AGAP1: variants seen among roughly 807,000 people sequenced by gnomAD.
The protein encoded by AGAP1 is ArfGAP with GTPase domain, ankyrin repeat and PH domain 1.
AGAP1 carries 29 observed loss-of-function variants against 105.3 expected under a neutral mutation model. The ratio of observed to expected loss-of-function variants is 0.28; its 90% CI spans 0.21 to 0.38. The LOEUF is 0.38. AGAP1 is among the 10% of genes least tolerant of loss of function. The pLI is 1.00. For missense variants in AGAP1, 998 were observed against 1,165.1 expected (o/e 0.86, Z 2.09); for synonymous variants, 509 against 485.9 (o/e 1.05, Z -0.63).
At position 236,009,289 on chromosome 2, in the gene AGAP1, T is replaced by G. The variant is rs572586564; in HGVS notation, c.1646-27272T>G. ...AAATCCCCAATCTCTAACCTCACAA[T>G]GAAATCGCCACGGACAAAAGATCAC... On this transcript the variant is annotated intron_variant, in intron 13 of 17. Coordinates refer to ENST00000304032, the MANE Select transcript of AGAP1 (RefSeq NM_001037131.3). The surrounding 1 kb of genome is among the most constrained non-coding windows in gnomAD (Gnocchi z 4.2). 6.6e-6 allele frequency among the ~76,000 whole-genome samples: 1 copy of G among 152,228 alleles called. No individual in the cohort carries two copies. The highest frequency in any genetic ancestry group is 6.5e-5 in the Admixed American group (1 of 15,292).
At chr2:235,512,427 A>G (rs925967251) in intron 1 of AGAP1, among the ~76,000 whole-genome samples, 2 of 152,046 alleles carry the variant, frequency 1.3e-5, no homozygotes, top group Non-Finnish European at 2.9e-5. Context: ...GGAGACCCCC[A>G]TCTCTACGAA....
In AGAP1 at chr2:235,794,620, C is replaced by T. The variant is rs142904239; in HGVS notation, c.674-3139C>T. Among the ~76,000 whole-genome samples, 126 of 152,238 alleles carry T rather than the reference C, an allele frequency of 8.3e-4. 2 individuals are homozygous for T. The East Asian group carries it at 0.02, about 24-fold the overall frequency. Reference sequence around the variant, plus strand: ...CCAAGTAGTTGGGATTACAGGCATGCGCCACCACATCCGGCTAATTTTTGT... The same window carrying T: ...CCAAGTAGTTGGGATTACAGGCATGTGCCACCACATCCGGCTAATTTTTGT... On this transcript the variant is annotated intron_variant, in intron 6 of 17. Coordinates refer to ENST00000304032, the MANE Select transcript of AGAP1 (RefSeq NM_001037131.3).
intron 13 of AGAP1, among the ~76,000 whole-genome samples, chr2:236,028,116 G>A (rs1316854041): frequency 6.6e-6 from 1 of 152,178 alleles, no homozygotes; most frequent in African/African-American, 2.4e-5. Flanking sequence ...TCCACGGTCA[G>A]CAGGGTCTGT....
chr2:235,744,321 T>C lies in AGAP1; in HGVS notation c.397-377T>C, dbSNP rs553125291. Reference sequence around the variant, plus strand: ...AGAGTACAGTGGAAAGCCTTAGGGCTTGAGGGGCTCTGGCAGGAGGTGGGT... The same window carrying C: ...AGAGTACAGTGGAAAGCCTTAGGGCCTGAGGGGCTCTGGCAGGAGGTGGGT... On this transcript the variant is annotated intron_variant, in intron 4 of 17. Transcript: ENST00000304032. The surrounding 1 kb of genome is among the most constrained non-coding windows in gnomAD (Gnocchi z 5.2). Among the ~76,000 whole-genome samples the C allele has an allele frequency of 5.5e-4, 83 of 152,280 alleles. No individual in the cohort carries two copies. Among genetic ancestry groups the C allele is most frequent in the Non-Finnish European group, 9.4e-4 (64 of 68,006 alleles).
chr2:235,594,502 C>T (rs1945453849), intron 1 of AGAP1, among the ~76,000 whole-genome samples: 1 of 151,808 alleles, frequency 6.6e-6, no homozygotes, highest in Admixed American at 6.6e-5. Context: ...CTCTGTGGGC[C>T]AGGTACTGTG....
rs764049327 is a variant in AGAP1 at position 235,621,548 on chromosome 2, C to T, written c.164-87631C>T. ...CAAGGGCCCTGTCACGTCTCTGAGCCGGCTTCTCTGGGCACTGGCTGGGCT... is the reference window on the plus strand; with the variant it reads ...CAAGGGCCCTGTCACGTCTCTGAGCTGGCTTCTCTGGGCACTGGCTGGGCT... On this transcript the variant is annotated intron_variant, in intron 1 of 17. Coordinates refer to ENST00000304032, the MANE Select transcript of AGAP1 (RefSeq NM_001037131.3). The surrounding 1 kb of genome is among the most constrained non-coding windows in gnomAD (Gnocchi z 4.1). Among the ~76,000 whole-genome samples the T allele has an allele frequency of 7.9e-5, 12 of 152,186 alleles. No homozygotes were observed. Among genetic ancestry groups the T allele is most frequent in the Non-Finnish European group, 8.8e-5 (6 of 68,038 alleles).
chr2:235,746,673 G>A lies in AGAP1; in HGVS notation c.538+1834G>A, dbSNP rs74559648. ...TTCTGCTTAAAGCTGCCTTGAAGTCGAATAGAGAAATTCCGAATAAGCTCC... is the reference window on the plus strand; with the variant it reads ...TTCTGCTTAAAGCTGCCTTGAAGTCAAATAGAGAAATTCCGAATAAGCTCC... On this transcript the variant is annotated intron_variant, in intron 5 of 17. Coordinates refer to ENST00000304032, the MANE Select transcript of AGAP1 (RefSeq NM_001037131.3). Among the ~76,000 whole-genome samples the A allele has an allele frequency of 1.5e-4, 23 of 152,088 alleles. No homozygotes were observed. In the East Asian group the frequency reaches 4.1e-3, roughly 27 times the overall value.
intron 1 of AGAP1, among the ~76,000 whole-genome samples, chr2:235,587,352 T>C (rs1945147139): frequency 6.6e-6 from 1 of 152,148 alleles, no homozygotes; most frequent in Non-Finnish European, 1.5e-5. Context: ...CGCATCCTCC[T>C]TGTAGTAACC....
intron 13 of AGAP1, among the ~76,000 whole-genome samples, chr2:236,007,500 G>C (rs1391112954): frequency 2.0e-5 from 3 of 152,220 alleles, no homozygotes; most frequent in Admixed American, 2.0e-4. Context: ...GGCCCTGCGT[G>C]AGAGCACAAG....
Position 235,635,892 on chromosome 2 carries a change from A to T in AGAP1, c.164-73287A>T, listed in dbSNP as rs1468850226. ...CACTTTGGGAGGCTGAGGCAGGTGG[A>T]TCTTGAGGTCAGGAGTTCAACACCA... On this transcript the variant is annotated intron_variant, in intron 1 of 17. Coordinates refer to ENST00000304032, the MANE Select transcript of AGAP1 (RefSeq NM_001037131.3). The surrounding 1 kb of genome is among the most constrained non-coding windows in gnomAD (Gnocchi z 5.3). Among the ~76,000 whole-genome samples, 1 of 152,026 alleles carries T rather than the reference A, an allele frequency of 6.6e-6. No individual in the cohort carries two copies. The highest frequency in any genetic ancestry group is 1.5e-5 in the Non-Finnish European group (1 of 68,028).
chr2:235,833,530 C>T (rs2106353137), intron 9 of AGAP1, among the ~76,000 whole-genome samples: 1 of 151,592 alleles, frequency 6.6e-6, no homozygotes, highest in South Asian at 2.1e-4. Flanking sequence ...CCTTGACTCT[C>T]CTCATCACCC....
intron 13 of AGAP1, among the ~76,000 whole-genome samples, chr2:235,969,504 A>G (rs773326421): frequency 3.9e-5 from 6 of 152,170 alleles, no homozygotes; most frequent in Non-Finnish European, 7.3e-5. Flanking sequence ...GTCTTCAGTG[A>G]GGGTCTCATG....
chr2:235,878,516 A>T (rs1401591871), intron 9 of AGAP1, among the ~76,000 whole-genome samples: 1 of 151,912 alleles, frequency 6.6e-6, no homozygotes, highest in Non-Finnish European at 1.5e-5. Context: ...AGCCCTGGGC[A>T]CCCCGTTCCT....
intron 5 of AGAP1, among the ~76,000 whole-genome samples, chr2:235,749,625 C>T (rs1488195722): frequency 6.6e-6 from 1 of 152,118 alleles, no homozygotes; most frequent in Non-Finnish European, 1.5e-5. Flanking sequence ...TGCCCTCTGC[C>T]TCAGGCGTTC....
chr2:235,720,474 G>A lies in AGAP1; in HGVS notation c.310+2830G>A, dbSNP rs1208263321. ...AGGTGAGGGCACTCCCACAGTGGTG[G>A]GAGTGGTTGGCGCCCGGTTGAGGGA... On this transcript the variant is annotated intron_variant, in intron 3 of 17. Transcript: ENST00000304032. This position sits in a 1 kb window ranked among gnomAD's most constrained non-coding sequence, Gnocchi z 5.0. 6.6e-6 allele frequency among the ~76,000 whole-genome samples: 1 copy of A among 152,084 alleles called. No homozygotes were observed.
rs1029964118 is a variant in AGAP1, at chr2:235,552,696, A to G, written c.163+57847A>G. Among the ~76,000 whole-genome samples the G allele has an allele frequency of 6.6e-6, 1 of 152,134 alleles. No homozygotes were observed. Among genetic ancestry groups the G allele is most frequent in the Non-Finnish European group, 1.5e-5 (1 of 68,024 alleles). ...GATGCAGAGAGGCTTAACCCAGAGA[A>G]TGGAGGAAAAGGAGACCAGGAGAGT... On this transcript the variant is annotated intron_variant, in intron 1 of 17. Transcript: ENST00000304032. The surrounding 1 kb of genome is among the most constrained non-coding windows in gnomAD (Gnocchi z 5.9).
chr2:235,877,816 G>A lies in AGAP1; in HGVS notation c.1051-5529G>A, dbSNP rs1169405092. Among the ~76,000 whole-genome samples the A allele has an allele frequency of 1.3e-5, 2 of 152,136 alleles. No individual in the cohort carries two copies. The highest frequency in any genetic ancestry group is 1.5e-5 in the Non-Finnish European group (1 of 68,032). On this transcript the variant is annotated intron_variant, in intron 9 of 17. Coordinates refer to ENST00000304032, the MANE Select transcript of AGAP1 (RefSeq NM_001037131.3). This position sits in a 1 kb window ranked among gnomAD's most constrained non-coding sequence, Gnocchi z 4.3. Reference sequence around the variant, plus strand: ...TTTGGATTGATCCCTCCCCCTCTTGGGTACACCCAACCACTGGTCTAAAGT... The same window carrying A: ...TTTGGATTGATCCCTCCCCCTCTTGAGTACACCCAACCACTGGTCTAAAGT...
In AGAP1 at chr2:235,712,184, G is replaced by A. The variant is rs901442746; in HGVS notation, c.222+2947G>A. 6.6e-6 allele frequency among the ~76,000 whole-genome samples: 1 copy of A among 152,082 alleles called. No individual in the cohort carries two copies. Among genetic ancestry groups the A allele is most frequent in the South Asian group, 2.1e-4 (1 of 4,826 alleles). ...ATGACAGGCACCCACCACCACATCT[G>A]GCTAATTTTTTATTTTTAGTAGACA... On this transcript the variant is annotated intron_variant, in intron 2 of 17. Coordinates refer to ENST00000304032, the MANE Select transcript of AGAP1 (RefSeq NM_001037131.3). This position sits in a 1 kb window ranked among gnomAD's most constrained non-coding sequence, Gnocchi z 6.0.
Position 235,877,162 on chromosome 2 carries a change from C to A in AGAP1, c.1051-6183C>A, listed in dbSNP as rs896107912. Among the ~76,000 whole-genome samples, 1 of 151,954 alleles carries A rather than the reference C, an allele frequency of 6.6e-6. No homozygotes were observed. The highest frequency in any genetic ancestry group is 1.5e-5 in the Non-Finnish European group (1 of 67,988). On this transcript the variant is annotated intron_variant, in intron 9 of 17. Coordinates refer to ENST00000304032, the MANE Select transcript of AGAP1 (RefSeq NM_001037131.3). This position sits in a 1 kb window ranked among gnomAD's most constrained non-coding sequence, Gnocchi z 4.3. ...GCCCTGCCAGAGCCATTTAAAAGAA[C>A]AAAAATCTCATGAATCCTTCAACAT...
Sources: gnomAD v4.1 joint callset for allele counts (sites outside exome capture counted in the v4.1 genomes callset) on GRCh38, gnomAD v4.1.1 for gene constraint, Gnocchi (gnomAD v3.1) non-coding constraint, MANE v1.5 for transcripts, NCBI Gene and HGNC (gene_info 2026-07-23, HGNC 2026-07-21) for gene names.